The following DLGAP2 variants were observed in gnomAD, a reference collection of about 807,000 sequenced individuals.
DLGAP2 encodes the protein DLG associated protein 2.
DLGAP2 carries 26 observed loss-of-function variants against 100.3 expected under a neutral mutation model. The observed-to-expected ratio is 0.26, with a 90% CI of 0.19 to 0.36. The LOEUF (loss-of-function observed/expected upper bound fraction) is 0.36. Among genes scored for constraint, DLGAP2 ranks in the 10% least tolerant of loss-of-function variants. DLGAP2 has a pLI of 1.00. For synonymous variants in DLGAP2, 886 were observed against 630.1 expected, an observed-to-expected ratio of 1.41 and a Z score of -6.08; for missense variants, 1,858 against 1,453.2, an observed-to-expected ratio of 1.28 and a Z score of -4.53.
intron 3 of DLGAP2, among the ~76,000 whole-genome samples, chr8:1,338,892 C>G (rs1314011543): frequency 8.2e-5 from 9 of 109,242 alleles, no homozygotes; most frequent in African/African-American, 3.1e-4. Flanking sequence ...GCAGGGAATG[C>G]AGTGACCTCA....
chr8:1,682,818 C>G (rs1270414664), intron 12 of DLGAP2, among the ~76,000 whole-genome samples: 1 of 151,586 alleles, frequency 6.6e-6, no homozygotes. Context: ...TATTAGGCAT[C>G]TGAAAAACTA....
intron 3 of DLGAP2, among the ~76,000 whole-genome samples, chr8:1,364,255 T>C (rs1312001922): frequency 6.6e-6 from 1 of 152,166 alleles, no homozygotes; most frequent in African/African-American, 2.4e-5. Context: ...TCAGGTGGCC[T>C]TGAAGCCAGC....
rs200072950 is a variant in DLGAP2 at position 1,567,533 on chromosome 8, G to A, written c.1442+1639G>A. Among the ~76,000 whole-genome samples the A allele has an allele frequency of 4.6e-5, 7 of 152,142 alleles. No homozygotes were observed. In the East Asian group the frequency reaches 7.7e-4, roughly 17 times the overall value. On this transcript the variant is annotated intron_variant, in intron 6 of 14. Coordinates refer to ENST00000637795, the MANE Select transcript of DLGAP2 (RefSeq NM_001346810.2). ...ACTAAGTGTTTTAAGAATTACGAAC[G>A]GCGTTTTCCTGTTGACGGGTTCCTT... is the stretch of plus-strand genomic sequence containing the variant.
At chr8:845,407 A>G (rs376302960) in intron 1 of DLGAP2, among the ~76,000 whole-genome samples, 15 of 152,168 alleles carry the variant, frequency 9.9e-5, no homozygotes, top group East Asian at 3.8e-4. Context: ...CATTTCTCCA[A>G]TGGCTAATGA....
At chr8:1,118,689 A>G (rs1795959133) in intron 2 of DLGAP2, among the ~76,000 whole-genome samples, 2 of 152,288 alleles carry the variant, frequency 1.3e-5, no homozygotes, top group Admixed American at 6.5e-5. Context: ...CAAGATCATG[A>G]CACTCTGCTA....
At chr8:880,829 T>C (rs1197340467) in intron 1 of DLGAP2, among the ~76,000 whole-genome samples, 1 of 152,218 alleles carries the variant, frequency 6.6e-6, no homozygotes, top group East Asian at 1.9e-4. Flanking sequence ...TCAACGCAGA[T>C]GTAATTTTTG....
chr8:1,138,515 A>G (rs1330820074), intron 2 of DLGAP2, among the ~76,000 whole-genome samples: 1 of 152,222 alleles, frequency 6.6e-6, no homozygotes, highest in Non-Finnish European at 1.5e-5. Context: ...TGAATAGAGC[A>G]GGCTGGGGTG....
chr8:1,317,402 G>A (rs574654756), intron 3 of DLGAP2, among the ~76,000 whole-genome samples: 5 of 137,758 alleles, frequency 3.6e-5, no homozygotes, highest in African/African-American at 1.1e-4. Flanking sequence ...CGAGTGCAGC[G>A]TCTCTCCAAC....
chr8:964,540 C>G (rs1050591130), intron 2 of DLGAP2, among the ~76,000 whole-genome samples: 4 of 152,262 alleles, frequency 2.6e-5, no homozygotes, highest in Admixed American at 6.5e-5. Flanking sequence ...GAAACGTAAA[C>G]AGAGTCCTTG....
At chr8:1,108,131 G>A (rs1393000706) in intron 2 of DLGAP2, among the ~76,000 whole-genome samples, 3 of 152,138 alleles carry the variant, frequency 2.0e-5, no homozygotes, top group East Asian at 1.9e-4. Flanking sequence ...TGGACGCTGC[G>A]CAGAAGTGGA....
intron 2 of DLGAP2, among the ~76,000 whole-genome samples, chr8:1,050,782 T>C (rs1401035288): frequency 2.0e-5 from 3 of 152,224 alleles, no homozygotes; most frequent in African/African-American, 7.2e-5. Flanking sequence ...GGGCAGATTC[T>C]CAGAAACCTT....
At chr8:1,315,343 C>T (rs376015553) in intron 3 of DLGAP2, among the ~76,000 whole-genome samples, 43 of 144,432 alleles carry the variant, frequency 3.0e-4, no homozygotes, top group East Asian at 6.4e-4. Flanking sequence ...AACTCGGCAG[C>T]GTTTAAAAAT....
intron 1 of DLGAP2, among the ~76,000 whole-genome samples, chr8:816,975 C>T (rs1796492658): frequency 6.6e-6 from 1 of 152,096 alleles, no homozygotes; most frequent in Non-Finnish European, 1.5e-5. Context: ...CCTGTCTCTA[C>T]TAAAAATACA....
At chr8:914,440 C>T (rs182741346) in intron 2 of DLGAP2, among the ~76,000 whole-genome samples, 129 of 152,372 alleles carry the variant, frequency 8.5e-4, no homozygotes, top group Non-Finnish European at 1.4e-3. Context: ...TATTTAATTC[C>T]TGCTAGAACA....
intron 3 of DLGAP2, among the ~76,000 whole-genome samples, chr8:1,290,336 A>T (rs1028986700): frequency 6.6e-6 from 1 of 152,220 alleles, no homozygotes; most frequent in Non-Finnish European, 1.5e-5. Flanking sequence ...TGCAGTTTGC[A>T]TATGATGGTC....
intron 8 of DLGAP2, among the ~76,000 whole-genome samples, chr8:1,665,643 T>C (rs551798119): frequency 6.6e-6 from 1 of 152,352 alleles, no homozygotes; most frequent in South Asian, 2.1e-4. Context: ...TCGGAATCAA[T>C]ATTTCTGCTT....
intron 3 of DLGAP2, among the ~76,000 whole-genome samples, chr8:1,485,342 C>G (rs909340077): frequency 6.6e-6 from 1 of 152,140 alleles, no homozygotes; most frequent in Admixed American, 6.5e-5. Context: ...ATAGGCAGGA[C>G]TTATCTATGA....
At chr8:1,423,693 C>G (rs1256335185) in intron 3 of DLGAP2, among the ~76,000 whole-genome samples, 2 of 152,216 alleles carry the variant, frequency 1.3e-5, no homozygotes, top group African/African-American at 2.4e-5. Flanking sequence ...TGTGTAGCTG[C>G]TAACACCATT....
chr8:1,285,408 G>T (rs763227246), intron 3 of DLGAP2, among the ~76,000 whole-genome samples: 1 of 152,174 alleles, frequency 6.6e-6, no homozygotes, highest in Non-Finnish European at 1.5e-5. Flanking sequence ...AAATAAGACT[G>T]TGCGTTTAGA....
Sources: gnomAD v4.1 joint callset for allele counts (sites outside exome capture counted in the v4.1 genomes callset) on GRCh38, gnomAD v4.1.1 for gene constraint, MANE v1.5 for transcripts, NCBI Gene and HGNC (gene_info 2026-07-23, HGNC 2026-07-21) for gene names.